Variants in KATNIP observed in about 807,000 individuals in gnomAD.
KATNIP encodes the protein katanin interacting protein.
A neutral mutation model predicts 174.0 loss-of-function variants in KATNIP; 126 were observed. The ratio of observed to expected loss-of-function variants is 0.72; its 90% confidence interval spans 0.63 to 0.84. The LOEUF (loss-of-function observed/expected upper bound fraction) is 0.84, where lower values mean the gene tolerates loss of function less well. Among genes scored for constraint, KATNIP ranks in the 40% least tolerant of loss-of-function variants. The pLI, the probability that KATNIP is intolerant of heterozygous loss-of-function variation, is 0.00. For missense variants in KATNIP, 1,958 were observed against 2,109.7 expected (o/e 0.93, Z 1.41); for synonymous variants, 810 against 835.7 (o/e 0.97, Z 0.53).
intron 1 of KATNIP, among the ~76,000 whole-genome samples, chr16:27,570,624 A>G (rs2090253079): frequency 6.6e-6 from 1 of 152,150 alleles, no homozygotes; most frequent in African/African-American, 2.4e-5. Context: ...AAGGCATGCA[A>G]GAATTGGGCT....
chr16:27,625,206 C>T (rs1426993282), intron 3 of KATNIP, among the ~76,000 whole-genome samples: 1 of 152,198 alleles, frequency 6.6e-6, no homozygotes, highest in Non-Finnish European at 1.5e-5. Context: ...AATTCCTTTC[C>T]AGTCTGAATA....
chr16:27,661,675 G>A (rs1417172207), intron 6 of KATNIP, among the ~76,000 whole-genome samples: 1 of 151,608 alleles, frequency 6.6e-6, no homozygotes, highest in African/African-American at 2.4e-5. Flanking sequence ...TTACAGGCGT[G>A]AGCCACTGCG....
Position 27,776,818 on chromosome 16 carries a change from C to T in KATNIP, c.4450-110C>T, listed in dbSNP as rs976388125. 2.0e-5 allele frequency: 15 copies of T among 738,908 alleles called. No individual in the cohort carries two copies. The highest frequency in any genetic ancestry group is 8.8e-5 in the Admixed American group (4 of 45,566). 45.8% of individuals were successfully genotyped at this position (738,908 alleles called of 1,614,324 possible). On this transcript the variant is annotated intron_variant, in intron 24 of 27. Transcript: ENST00000261588. The surrounding 1 kb of genome is among the most constrained non-coding windows in gnomAD (Gnocchi z 4.7). ...ACTCCAGGCTGGCCCACGTGGCAGG[C>T]GCTGCCTTGGGCACCACCGCTCACC... is the stretch of plus-strand genomic sequence containing the variant.
chr16:27,758,580 T>G (rs1413701193), intron 18 of KATNIP, among the ~76,000 whole-genome samples: 1 of 152,228 alleles, frequency 6.6e-6, no homozygotes, highest in African/African-American at 2.4e-5. Context: ...CTCGATATGA[T>G]CTAGCCCCTG....
At chr16:27,666,392 T>TTTTTG (rs56799945) in intron 6 of KATNIP, among the ~76,000 whole-genome samples, 27,806 of 149,408 alleles carry the variant, frequency 0.19, 2,897 homozygotes, top group East Asian at 0.4. Context: ...GGGGAATGAG[T>TTTTTG]TTTTGTTTTG....
At chr16:27,609,687 G>A (rs1007010510) in intron 2 of KATNIP, among the ~76,000 whole-genome samples, 2 of 149,168 alleles carry the variant, frequency 1.3e-5, no homozygotes, top group Non-Finnish European at 3.0e-5. Flanking sequence ...ACCGCGCCCT[G>A]CCAAGTCATT....
At chr16:27,636,971 C>T (rs540941966) in intron 5 of KATNIP, among the ~76,000 whole-genome samples, 1 of 152,246 alleles carries the variant, frequency 6.6e-6, no homozygotes, top group Non-Finnish European at 1.5e-5. Flanking sequence ...TCCAGCAGCC[C>T]CAGTGCAAAG....
chr16:27,674,491 T>C (rs2078037607), intron 6 of KATNIP, among the ~76,000 whole-genome samples: 1 of 152,254 alleles, frequency 6.6e-6, no homozygotes, highest in Non-Finnish European at 1.5e-5. Context: ...CTTGTGGCCA[T>C]GTCCTCCTGT....
chr16:27,595,933 CAG>C (rs1225021727), intron 2 of KATNIP, among the ~76,000 whole-genome samples: 3 of 152,074 alleles, frequency 2.0e-5, no homozygotes, highest in African/African-American at 7.2e-5. Context: ...ATCGCGGGGA[CAG>C]GGGACATCCG....
intron 2 of KATNIP, among the ~76,000 whole-genome samples, chr16:27,618,202 C>T (rs1228421680): frequency 6.6e-6 from 1 of 152,180 alleles, no homozygotes; most frequent in Non-Finnish European, 1.5e-5. Context: ...AATTGACCTT[C>T]TCCTTTTCAT....
intron 2 of KATNIP, among the ~76,000 whole-genome samples, chr16:27,578,724 T>A (rs1322658841): frequency 6.6e-6 from 1 of 152,176 alleles, no homozygotes; most frequent in East Asian, 1.9e-4. Context: ...ATTACGGGTG[T>A]GTCCCACCAT....
intron 6 of KATNIP, among the ~76,000 whole-genome samples, chr16:27,674,429 A>G (rs1329799274): frequency 6.6e-6 from 1 of 152,252 alleles, no homozygotes; most frequent in African/African-American, 2.4e-5. Flanking sequence ...CTCGAGAGGA[A>G]AGCTCATTTC....
chr16:27,705,725 G>A (rs1597229021), intron 12 of KATNIP, among the ~76,000 whole-genome samples: 1 of 151,964 alleles, frequency 6.6e-6, no homozygotes, highest in East Asian at 1.9e-4. Context: ...TTCTAAGCTG[G>A]AGTGCAGTGG....
rs370705451 is a variant in KATNIP, at chr16:27,621,105, G to A, written c.140+2604G>A. The stretch of plus-strand genomic sequence containing the variant: ...CTTGAGCCCAGAAGTTCAAAACCCC[G>A]TCTCTAAAATATTTTTTTTAAATAG... On this transcript the variant is annotated intron_variant, in intron 3 of 27. Transcript: ENST00000261588. Among the ~76,000 whole-genome samples, 13 of 152,058 alleles carry A rather than the reference G, an allele frequency of 8.5e-5. No individual in the cohort carries two copies. In the East Asian group the frequency reaches 1.2e-3, roughly 14 times the overall value.
At chr16:27,553,524 T>C (rs2089480539) in intron 1 of KATNIP, among the ~76,000 whole-genome samples, 1 of 152,234 alleles carries the variant, frequency 6.6e-6, no homozygotes, top group Non-Finnish European at 1.5e-5. Flanking sequence ...TATTTAAGAA[T>C]GTCCTGATGG....
intron 19 of KATNIP, among the ~76,000 whole-genome samples, chr16:27,765,275 G>A (rs2082083787): frequency 6.6e-6 from 1 of 152,240 alleles, no homozygotes; most frequent in South Asian, 2.1e-4. Flanking sequence ...GGCATGCTGG[G>A]CAGTCCGGGG....
At chr16:27,722,753 C>T (rs935254558) in intron 14 of KATNIP, among the ~76,000 whole-genome samples, 1 of 152,214 alleles carries the variant, frequency 6.6e-6, no homozygotes, top group African/African-American at 2.4e-5. Flanking sequence ...GGCCACTTTT[C>T]AGCTTCAACT....
chr16:27,678,683 C>T (rs1431842537), intron 7 of KATNIP, among the ~76,000 whole-genome samples: 2 of 152,180 alleles, frequency 1.3e-5, no homozygotes, highest in South Asian at 2.1e-4. Flanking sequence ...ATTGGATCAC[C>T]GTGGCTCTGA....
At chr16:27,610,766 C>G (rs548207978) in intron 2 of KATNIP, among the ~76,000 whole-genome samples, 4 of 152,290 alleles carry the variant, frequency 2.6e-5, no homozygotes, top group African/African-American at 4.8e-5. Flanking sequence ...GAAAAGTCAA[C>G]CTGGGAACTG....
Sources: allele counts gnomAD v4.1 joint callset (sites outside exome capture counted in the v4.1 genomes callset), GRCh38; gene constraint gnomAD v4.1.1; non-coding constraint Gnocchi (gnomAD v3.1); transcripts MANE v1.5; gene names NCBI Gene and HGNC (gene_info 2026-07-23, HGNC 2026-07-21).